ADCY9: variants seen among roughly 807,000 people sequenced by gnomAD.
ADCY9 encodes the protein adenylate cyclase type 9.
ADCY9 carries 50 observed loss-of-function variants against 101.5 expected under a neutral mutation model. That is an observed-to-expected ratio of 0.49 (90% CI 0.39 to 0.62). The LOEUF (loss-of-function observed/expected upper bound fraction) is 0.62. Ranked by LOEUF, ADCY9 falls within the 20% of genes least tolerant of loss-of-function variation. The pLI, the probability that ADCY9 is intolerant of heterozygous loss-of-function variation, is 0.00. For synonymous variants in ADCY9, 905 were observed against 769.3 expected, an observed-to-expected ratio of 1.18 and a Z score of -2.92; for missense variants, 1,662 against 1,800.4, an observed-to-expected ratio of 0.92 and a Z score of 1.39.
chr16:4,036,462 G>GTTTTTTT (rs59816813), intron 2 of ADCY9, among the ~76,000 whole-genome samples: 31 of 103,686 alleles, frequency 3.0e-4, no homozygotes, highest in African/African-American at 8.3e-4. Flanking sequence ...GGGTTTGTTT[G>GTTTTTTT]TTTTTTTTTT....
At chr16:4,029,668 C>G (rs1198521348) in intron 2 of ADCY9, among the ~76,000 whole-genome samples, 1 of 152,110 alleles carries the variant, frequency 6.6e-6, no homozygotes, top group East Asian at 1.9e-4. Context: ...AATGTTGAAC[C>G]CGGGAGGTGG....
At chr16:3,998,241 G>C (rs2056302980) in intron 3 of ADCY9, among the ~76,000 whole-genome samples, 1 of 152,060 alleles carries the variant, frequency 6.6e-6, no homozygotes, top group Admixed American at 6.6e-5. Flanking sequence ...CTCTACAAAA[G>C]CTTTTTAAAA....
At chr16:4,048,076 G>C (rs1349495674) in intron 2 of ADCY9, among the ~76,000 whole-genome samples, 3 of 146,192 alleles carry the variant, frequency 2.1e-5, no homozygotes, top group Non-Finnish European at 4.5e-5. Flanking sequence ...ACAGGTCCTA[G>C]TCTGGGAAGG....
At chr16:3,975,450 G>C (rs2056085646) in intron 9 of ADCY9, among the ~76,000 whole-genome samples, 1 of 152,060 alleles carries the variant, frequency 6.6e-6, no homozygotes, top group African/African-American at 2.4e-5. Flanking sequence ...CCCATGGCTG[G>C]ACTGTTGCTT....
intron 10 of ADCY9, 145 bp downstream of exon 10, chr16:3,974,524 G>A (rs576530668): frequency 1.6e-6 from 1 of 614,676 alleles, no homozygotes; most frequent in Non-Finnish European, 2.9e-6. Flanking sequence ...AGTTCAACGA[G>A]GAGATATTTT....
In ADCY9 at chr16:3,963,195, C is replaced by T. The variant is rs2055954487; in HGVS notation, c.*2580G>A. Reference sequence around the variant, plus strand: ...ACTGAGAAGAAAATAGCAATTGCAACTCAAAGCAACTATTTACACACATTC... The same window carrying T: ...ACTGAGAAGAAAATAGCAATTGCAATTCAAAGCAACTATTTACACACATTC... On this transcript the variant is annotated 3_prime_UTR_variant, in exon 11 of 11. Transcript: ENST00000294016. 1 of 353,510 alleles carries T rather than the reference C, an allele frequency of 2.8e-6. No homozygotes were observed. Among genetic ancestry groups the T allele is most frequent in the Admixed American group, 4.8e-5 (1 of 20,860 alleles). 21.9% of individuals were successfully genotyped at this position (353,510 alleles called of 1,614,324 possible).
intron 2 of ADCY9, among the ~76,000 whole-genome samples, chr16:4,092,779 G>T (rs965640945): frequency 9.2e-5 from 14 of 152,144 alleles, no homozygotes; most frequent in Non-Finnish European, 1.8e-4. Flanking sequence ...TGACTCCTTA[G>T]CCCTTTCCAT....
chr16:3,991,979 G>A (rs982350074), intron 5 of ADCY9, among the ~76,000 whole-genome samples, 167 bp downstream of exon 5: 1 of 152,040 alleles, frequency 6.6e-6, no homozygotes, highest in Admixed American at 6.6e-5. Context: ...GCTGAGGCAG[G>A]AGCATCGTTT....
intron 2 of ADCY9, among the ~76,000 whole-genome samples, chr16:4,022,143 AT>A (rs1480484490): frequency 9.2e-5 from 14 of 152,250 alleles, no homozygotes; most frequent in Admixed American, 3.9e-4. Flanking sequence ...ACCAGGGCCC[AT>A]CCCCCTTTCC....
downstream of ADCY9, among the ~76,000 whole-genome samples, chr16:3,958,673 C>CTATTTTT (rs1555504687): frequency 9.7e-6 from 1 of 102,998 alleles, no homozygotes; most frequent in African/African-American, 3.9e-5. Context: ...TCGTCGGTTA[C>CTATTTTT]TTTTTTTTTT....
chr16:4,107,678 C>A (rs2057086513), intron 2 of ADCY9, among the ~76,000 whole-genome samples: 1 of 151,004 alleles, frequency 6.6e-6, no homozygotes, highest in Non-Finnish European at 1.5e-5. Context: ...TAGGTGGGGA[C>A]AAGCTAACGG....
chr16:3,965,907 T>C lies in ADCY9; in HGVS notation c.3930A>G (p.Arg1310=), dbSNP rs2055988158. 4 of 1,614,156 alleles carry C rather than the reference T, an allele frequency of 2.5e-6. No individual in the cohort carries two copies. The highest frequency in any genetic ancestry group is 3.4e-6 in the Non-Finnish European group (4 of 1,180,036). Residue 1310 remains arginine (R), a synonymous_variant, in exon 11 of 11, where the codon AGA becomes AGG. Transcript: ENST00000294016. ...CGGCTTTGACGGGCTCCTTCCACGG[T>C]CTCTTGGGGGACAGGTGGGCATCCT... is the stretch of plus-strand genomic sequence containing the variant. ...QAKDAHLSPK[R]PWKEPVKAEE...
At chr16:4,077,927 A>T (rs558527689) in intron 2 of ADCY9, among the ~76,000 whole-genome samples, 8 of 151,880 alleles carry the variant, frequency 5.3e-5, no homozygotes, top group African/African-American at 1.7e-4. Context: ...TGAACCCAGG[A>T]GGCAGAGGTG....
chr16:4,047,513 A>C (rs2056673327), intron 2 of ADCY9, among the ~76,000 whole-genome samples: 2 of 144,112 alleles, frequency 1.4e-5, no homozygotes, highest in South Asian at 4.1e-4. Flanking sequence ...AATTGGATTG[A>C]CAATTGCAAT....
intron 2 of ADCY9, among the ~76,000 whole-genome samples, chr16:4,046,548 A>G (rs2056666372): frequency 6.6e-6 from 1 of 152,182 alleles, no homozygotes; most frequent in Admixed American, 6.5e-5. Context: ...GTAGCTTAGT[A>G]GTCATTTCCA....
chr16:4,030,459 T>G (rs997825504), intron 2 of ADCY9, among the ~76,000 whole-genome samples: 2 of 152,096 alleles, frequency 1.3e-5, no homozygotes, highest in African/African-American at 4.8e-5. Flanking sequence ...CCCAGCACTT[T>G]GGGAGGCCTA....
chr16:4,052,805 G>A (rs2056710286), intron 2 of ADCY9, among the ~76,000 whole-genome samples: 2 of 152,150 alleles, frequency 1.3e-5, no homozygotes, highest in Admixed American at 1.3e-4. Context: ...ACTAAAATCT[G>A]ACCTACCATG....
intron 10 of ADCY9, among the ~76,000 whole-genome samples, chr16:3,968,143 G>A (rs745910633): frequency 2.6e-5 from 4 of 151,954 alleles, no homozygotes; most frequent in Non-Finnish European, 5.9e-5. Flanking sequence ...TGATATATTT[G>A]GTTCTTAGAT....
chr16:4,055,072 C>A (rs534861268), intron 2 of ADCY9, among the ~76,000 whole-genome samples: 1 of 152,060 alleles, frequency 6.6e-6, no homozygotes, highest in African/African-American at 2.4e-5. Flanking sequence ...GCAGGGCCCC[C>A]GCGGAAGGGG....
Sources: allele counts gnomAD v4.1 joint callset (sites outside exome capture counted in the v4.1 genomes callset), GRCh38; gene constraint gnomAD v4.1.1; transcripts MANE v1.5; gene names NCBI Gene and HGNC (gene_info 2026-07-23, HGNC 2026-07-21).